NOX4: variants seen among roughly 807,000 people sequenced by gnomAD.
NOX4 encodes kidney oxidase-1.
NOX4 carries 69 observed loss-of-function variants against 87.6 expected under a neutral mutation model. The ratio of observed to expected loss-of-function variants is 0.79; its 90% confidence interval spans 0.65 to 0.96. The LOEUF (loss-of-function observed/expected upper bound fraction) is 0.96, where lower values mean the gene tolerates loss of function less well. Among genes scored for constraint, NOX4 ranks in the 40% least tolerant of loss-of-function variants. The pLI is 0.00. For missense variants in NOX4, 680 were observed against 681.5 expected (o/e 1.00, Z 0.02); for synonymous variants, 275 against 238.2 (o/e 1.15, Z -1.42).
chr11:89,545,427 C>T, the NOX4 span: 1 of 152,078 alleles, frequency 6.6e-6, no homozygotes, highest in Admixed American at 6.6e-5. Context: ...CATTTCTAAC[C>T]TCTGCAGATT....
At chr11:89,568,340 T>C in the NOX4 span, among the ~76,000 whole-genome samples, 1 of 151,956 alleles carries the variant, frequency 6.6e-6, no homozygotes, top group East Asian at 1.9e-4. Flanking sequence ...AGACCACAAG[T>C]TGGAGTAATA....
chr11:89,574,969 G>C, the NOX4 span, among the ~76,000 whole-genome samples: 1 of 152,180 alleles, frequency 6.6e-6, no homozygotes, highest in Non-Finnish European at 1.5e-5. Flanking sequence ...GATCACTTAA[G>C]GTCAGGAGTT....
At chr11:89,535,308 T>G in the NOX4 span, among the ~76,000 whole-genome samples, 1 of 152,266 alleles carries the variant, frequency 6.6e-6, no homozygotes, top group Non-Finnish European at 1.5e-5. Context: ...CAACCCCATT[T>G]GGTGTTTAGT....
intron 7 of NOX4, among the ~76,000 whole-genome samples, chr11:89,424,169 C>A (rs1369535487): frequency 6.6e-6 from 1 of 151,748 alleles, no homozygotes; most frequent in Non-Finnish European, 1.5e-5. Flanking sequence ...GAACATATAT[C>A]TTTTGTCTCC....
At chr11:89,466,338 T>A (rs1348616571) in intron 2 of NOX4, among the ~76,000 whole-genome samples, 1 of 152,236 alleles carries the variant, frequency 6.6e-6, no homozygotes, top group Admixed American at 6.5e-5. Context: ...TCCTACTTAA[T>A]AAATATTAAT....
At chr11:89,393,490 C>A (rs1941266119) in intron 11 of NOX4, among the ~76,000 whole-genome samples, 1 of 152,082 alleles carries the variant, frequency 6.6e-6, no homozygotes, top group Non-Finnish European at 1.5e-5. Flanking sequence ...GTACCTGAGA[C>A]TACTTTCATA....
At chr11:89,551,724 T>G in the NOX4 span, among the ~76,000 whole-genome samples, 1 of 152,156 alleles carries the variant, frequency 6.6e-6, no homozygotes, top group Non-Finnish European at 1.5e-5. Context: ...AAATATACAA[T>G]CATGTCATCT....
chr11:89,441,947 CTATATATATATA>C (rs5793404), intron 5 of NOX4, among the ~76,000 whole-genome samples: 1 of 137,998 alleles, frequency 7.2e-6, no homozygotes, highest in African/African-American at 2.6e-5. Flanking sequence ...TATGTGTTGA[CTATATATATATA>C]TATATATATA....
At chr11:89,481,608 T>TTA in intron 2 of NOX4, among the ~76,000 whole-genome samples, 1 of 152,230 alleles carries the variant, frequency 6.6e-6, no homozygotes, top group South Asian at 2.1e-4. Flanking sequence ...GAAATTATAA[T>TTA]TATTTTTCTC....
At position 89,395,685 on chromosome 11, in the gene NOX4, G is replaced by C. The variant is rs572383863; in HGVS notation, c.1074+4332C>G. On this transcript the variant is annotated intron_variant, in intron 11 of 17. Transcript: ENST00000263317. Reference sequence around the variant, plus strand: ...CATCTTGAATTAATTTTTGTATAAGGTGTAAGGAAGGGATCCAGTTTCAGC... The same window carrying C: ...CATCTTGAATTAATTTTTGTATAAGCTGTAAGGAAGGGATCCAGTTTCAGC... Among the ~76,000 whole-genome samples the C allele has an allele frequency of 3.3e-5, 5 of 152,248 alleles. No homozygotes were observed. In the East Asian group the frequency reaches 9.6e-4, roughly 29 times the overall value.
chr11:89,397,266 C>T (rs930361172), intron 11 of NOX4, among the ~76,000 whole-genome samples: 1 of 152,086 alleles, frequency 6.6e-6, no homozygotes, highest in African/African-American at 2.4e-5. Flanking sequence ...TTCTTTGAAA[C>T]CAATGAGAAC....
At chr11:89,577,794 A>G in the NOX4 span, 1 of 152,180 alleles carries the variant, frequency 6.6e-6, no homozygotes, top group Admixed American at 6.5e-5. Flanking sequence ...GAAAGAATTC[A>G]TATGTACATA....
chr11:89,335,748 C>G (rs1945679118), intron 17 of NOX4, 97 bp downstream of exon 17: 1 of 571,760 alleles, frequency 1.7e-6, no homozygotes. Flanking sequence ...CATTGGTAAA[C>G]TCATTGCCAA....
intron 11 of NOX4, among the ~76,000 whole-genome samples, chr11:89,393,179 C>A (rs537963616): frequency 7.2e-5 from 11 of 152,214 alleles, no homozygotes; most frequent in African/African-American, 2.6e-4. Flanking sequence ...ATACTATTGG[C>A]TTCTAGTGGG....
chr11:89,502,178 T>G (rs1947029490), upstream of NOX4, among the ~76,000 whole-genome samples: 1 of 152,022 alleles, frequency 6.6e-6, no homozygotes, highest in South Asian at 2.1e-4. Flanking sequence ...ACCTGGGTTG[T>G]TAGAAGGGCA....
At chr11:89,487,093 A>G (rs1946657328) in intron 2 of NOX4, among the ~76,000 whole-genome samples, 1 of 152,200 alleles carries the variant, frequency 6.6e-6, no homozygotes. Context: ...AGTATCTGAC[A>G]TGGACCAGTG....
At chr11:89,455,630 AT>A (rs1192286899) in intron 2 of NOX4, among the ~76,000 whole-genome samples, 1 of 152,006 alleles carries the variant, frequency 6.6e-6, no homozygotes, top group East Asian at 1.9e-4. Flanking sequence ...ATGTCCACCA[AT>A]AACTTTAAAT....
chr11:89,463,638 C>T (rs1328303708), intron 2 of NOX4, among the ~76,000 whole-genome samples: 1 of 151,690 alleles, frequency 6.6e-6, no homozygotes, highest in Non-Finnish European at 1.5e-5. Context: ...GAAAGGGAGA[C>T]AGGATAATAA....
intron 8 of NOX4, among the ~76,000 whole-genome samples, chr11:89,418,437 T>G (rs1455074406): frequency 1.4e-5 from 2 of 140,638 alleles, no homozygotes; most frequent in South Asian, 2.1e-4. Context: ...ATAATAATAA[T>G]AATAATAATA....
Sources: allele counts gnomAD v4.1 joint callset (sites outside exome capture counted in the v4.1 genomes callset), GRCh38; gene constraint gnomAD v4.1.1; transcripts MANE v1.5; gene names NCBI Gene and HGNC (gene_info 2026-07-23, HGNC 2026-07-21).